KCND2: variants seen among roughly 807,000 people sequenced by gnomAD.
KCND2 encodes A-type voltage-gated potassium channel KCND2.
A neutral mutation model predicts 54.4 loss-of-function variants in KCND2; 16 were observed. The observed-to-expected ratio is 0.29, with a 90% CI of 0.20 to 0.45. The LOEUF is 0.45. Among genes scored for constraint, KCND2 ranks in the 20% least tolerant of loss-of-function variants. KCND2 has a pLI of 1.00. For missense variants in KCND2, 486 were observed against 824.2 expected, an observed-to-expected ratio of 0.59 and a Z score of 5.02; for synonymous variants, 317 against 310.7, an observed-to-expected ratio of 1.02 and a Z score of -0.21.
At chr7:120,309,842 ACATGATCCTTCATTG>A (rs1400084816) in intron 1 of KCND2, among the ~76,000 whole-genome samples, 1 of 152,164 alleles carries the variant, frequency 6.6e-6, no homozygotes, top group African/African-American at 2.4e-5. Context: ...ATTTTGGCAT[ACATGATCCTTCATTG>A]TCTACAAACC....
intron 1 of KCND2, among the ~76,000 whole-genome samples, chr7:120,457,414 T>C (rs1478409187): frequency 6.6e-6 from 1 of 152,196 alleles, no homozygotes; most frequent in Admixed American, 6.5e-5. Flanking sequence ...ACTTAGAAAT[T>C]CCTTCTGCCA....
chr7:120,391,160 A>T (rs1801071766), intron 1 of KCND2, among the ~76,000 whole-genome samples: 1 of 152,110 alleles, frequency 6.6e-6, no homozygotes, highest in African/African-American at 2.4e-5. Context: ...GAGTGAGAAC[A>T]TGCAGTGTTT....
intron 1 of KCND2, among the ~76,000 whole-genome samples, chr7:120,281,487 T>G (rs901480549): frequency 6.6e-6 from 1 of 151,778 alleles, no homozygotes; most frequent in African/African-American, 2.4e-5. Flanking sequence ...CACTGCTCTT[T>G]GAATGTTTTG....
chr7:120,501,941 C>T (rs1358060217), intron 1 of KCND2, among the ~76,000 whole-genome samples: 1 of 152,070 alleles, frequency 6.6e-6, no homozygotes, highest in Non-Finnish European at 1.5e-5. Context: ...TTCCTCCAAT[C>T]AATTAGGCAT....
chr7:120,588,713 A>G (rs577820118), intron 1 of KCND2, among the ~76,000 whole-genome samples: 1 of 152,226 alleles, frequency 6.6e-6, no homozygotes, highest in Admixed American at 6.5e-5. Context: ...GAAAACTCTA[A>G]AAGAGGGTGG....
chr7:120,579,278 T>C (rs1273695543), intron 1 of KCND2, among the ~76,000 whole-genome samples: 1 of 152,070 alleles, frequency 6.6e-6, no homozygotes, highest in Non-Finnish European at 1.5e-5. Context: ...TTCTTTTCTT[T>C]ATTCTCAGAT....
chr7:120,601,484 A>G (rs1792812573), intron 1 of KCND2, among the ~76,000 whole-genome samples: 1 of 152,166 alleles, frequency 6.6e-6, no homozygotes, highest in Non-Finnish European at 1.5e-5. Flanking sequence ...TTTTGTGCTA[A>G]GGAAAGCAGT....
chr7:120,673,100 C>A (rs1305402783), intron 1 of KCND2: 3 of 152,030 alleles, frequency 2.0e-5, no homozygotes, highest in Non-Finnish European at 2.9e-5. Flanking sequence ...GAGAACACAG[C>A]GAGAAGGCAG....
intron 1 of KCND2, among the ~76,000 whole-genome samples, chr7:120,645,123 G>C (rs1305169798): frequency 6.6e-6 from 1 of 152,186 alleles, no homozygotes; most frequent in Non-Finnish European, 1.5e-5. Flanking sequence ...AAGTTCAGAA[G>C]TAGTTTGAGT....
chr7:120,468,315 C>T (rs991319456), intron 1 of KCND2, among the ~76,000 whole-genome samples: 2 of 152,034 alleles, frequency 1.3e-5, no homozygotes, highest in East Asian at 1.9e-4. Flanking sequence ...AATTTATTTT[C>T]AGCTTTAAAG....
intron 1 of KCND2, among the ~76,000 whole-genome samples, chr7:120,642,234 C>T (rs1394724370): frequency 6.6e-6 from 1 of 151,990 alleles, no homozygotes; most frequent in East Asian, 1.9e-4. Flanking sequence ...TTACACTCAA[C>T]ATGTAGACTA....
At chr7:120,509,882 A>G (rs1803085898) in intron 1 of KCND2, among the ~76,000 whole-genome samples, 1 of 152,080 alleles carries the variant, frequency 6.6e-6, no homozygotes, top group Non-Finnish European at 1.5e-5. Context: ...CTATTATAGG[A>G]TAAGCTTTGG....
chr7:120,574,240 A>C (rs973239895), intron 1 of KCND2, among the ~76,000 whole-genome samples: 2 of 152,218 alleles, frequency 1.3e-5, no homozygotes, highest in African/African-American at 4.8e-5. Context: ...TAATCCAGTT[A>C]AATGTATTTT....
chr7:120,595,657 C>G (rs962461528), intron 1 of KCND2, among the ~76,000 whole-genome samples: 2 of 147,308 alleles, frequency 1.4e-5, no homozygotes, highest in African/African-American at 5.0e-5. Context: ...GCTAATATCT[C>G]AAATACTGCA....
At chr7:120,449,616 A>T (rs1175454602) in intron 1 of KCND2, among the ~76,000 whole-genome samples, 2 of 152,182 alleles carry the variant, frequency 1.3e-5, no homozygotes, top group Non-Finnish European at 2.9e-5. Context: ...GTAAACTGGG[A>T]TGTGAAGACT....
intron 1 of KCND2, among the ~76,000 whole-genome samples, chr7:120,355,902 T>C (rs748497992): frequency 6.6e-6 from 1 of 152,316 alleles, no homozygotes; most frequent in Non-Finnish European, 1.5e-5. Flanking sequence ...TGTAAATTCT[T>C]TGTAAATTAT....
intron 1 of KCND2, among the ~76,000 whole-genome samples, chr7:120,636,013 G>A (rs1027163670): frequency 3.3e-5 from 5 of 152,042 alleles, no homozygotes; most frequent in African/African-American, 7.2e-5. Context: ...GTGCTGAAAC[G>A]CAACTGTGGC....
intron 1 of KCND2, among the ~76,000 whole-genome samples, chr7:120,344,896 G>C (rs925237754): frequency 1.3e-5 from 2 of 152,054 alleles, no homozygotes; most frequent in Non-Finnish European, 2.9e-5. Context: ...GATGAATAAG[G>C]AGCATCCTTA....
intron 1 of KCND2, among the ~76,000 whole-genome samples, chr7:120,314,976 C>T (rs1799791865): frequency 6.6e-6 from 1 of 151,672 alleles, no homozygotes; most frequent in African/African-American, 2.4e-5. Context: ...AGAAAGCATG[C>T]ACAGCACACA....
Sources: allele counts gnomAD v4.1 joint callset (sites outside exome capture counted in the v4.1 genomes callset), GRCh38; gene constraint gnomAD v4.1.1; transcripts MANE v1.5; gene names NCBI Gene and HGNC (gene_info 2026-07-23, HGNC 2026-07-21).